The following RUNDC3B variants were observed in gnomAD, a reference collection of about 807,000 sequenced individuals.
RUNDC3B encodes the protein RUN domain containing 3B.
A neutral mutation model predicts 58.4 loss-of-function variants in RUNDC3B; 33 were observed. That is an observed-to-expected ratio of 0.56 (90% CI 0.43 to 0.75). RUNDC3B has a LOEUF of 0.75. Among genes scored for constraint, RUNDC3B ranks in the 30% least tolerant of loss-of-function variants. The probability of loss-of-function intolerance (pLI) is 0.00; values close to 1 mark genes in which losing one functional copy is unlikely to be tolerated. For missense variants in RUNDC3B, 501 were observed against 535.7 expected (o/e 0.94, Z 0.64); for synonymous variants, 193 against 195.2 (o/e 0.99, Z 0.10).
In RUNDC3B at chr7:87,687,183, A is replaced by G. The variant is rs1585102762; in HGVS notation, c.239-13238A>G. 2.6e-5 allele frequency among the ~76,000 whole-genome samples: 4 copies of G among 152,210 alleles called. No homozygotes were observed. In the South Asian group the frequency reaches 8.3e-4, roughly 32 times the overall value. On this transcript the variant is annotated intron_variant, in intron 2 of 10. Transcript: ENST00000394654. ...TTTTCAGTTATATTTGTGTACAGCT[A>G]GTTTTTCCCCCACAACTTACTGTTC...
chr7:87,756,513 A>G (rs1002770858), intron 6 of RUNDC3B, among the ~76,000 whole-genome samples: 1 of 152,118 alleles, frequency 6.6e-6, no homozygotes, highest in African/African-American at 2.4e-5. Context: ...AAATTCATTT[A>G]GATTATTATA....
chr7:87,757,340 G>T (rs1275501497), intron 6 of RUNDC3B, among the ~76,000 whole-genome samples: 1 of 151,992 alleles, frequency 6.6e-6, no homozygotes, highest in Non-Finnish European at 1.5e-5. Flanking sequence ...CAGTAAATTT[G>T]CAGGATACAA....
intron 5 of RUNDC3B, among the ~76,000 whole-genome samples, chr7:87,740,161 G>A (rs1040313139): frequency 5.9e-5 from 9 of 151,942 alleles, no homozygotes; most frequent in Non-Finnish European, 1.0e-4. Context: ...CCCTAATGAA[G>A]GAAGGCTTTG....
At chr7:87,817,473 T>G (rs570431388) in intron 10 of RUNDC3B, among the ~76,000 whole-genome samples, 1 of 152,312 alleles carries the variant, frequency 6.6e-6, no homozygotes, top group Admixed American at 6.5e-5. Flanking sequence ...TGCCAGCATC[T>G]GCCTCATTTC....
chr7:87,763,663 A>G (rs1387521132), intron 6 of RUNDC3B, among the ~76,000 whole-genome samples: 2 of 151,506 alleles, frequency 1.3e-5, no homozygotes, highest in Non-Finnish European at 3.0e-5. Context: ...ATTTATTTTT[A>G]TTGTGAAATA....
intron 2 of RUNDC3B, among the ~76,000 whole-genome samples, chr7:87,666,204 CATT>C (rs1376722067): frequency 6.6e-6 from 1 of 152,136 alleles, no homozygotes; most frequent in African/African-American, 2.4e-5. Flanking sequence ...GATGGTATCT[CATT>C]GTGGTTTTGA....
chr7:87,729,435 A>T (rs1831448042), intron 4 of RUNDC3B, among the ~76,000 whole-genome samples: 1 of 152,176 alleles, frequency 6.6e-6, no homozygotes, highest in African/African-American at 2.4e-5. Flanking sequence ...GAGGCAGCAA[A>T]CAGTAATTGT....
chr7:87,630,064 T>C (rs936945236), intron 1 of RUNDC3B, among the ~76,000 whole-genome samples: 1 of 152,226 alleles, frequency 6.6e-6, no homozygotes, highest in African/African-American at 2.4e-5. Flanking sequence ...TAGGAACTTC[T>C]CTGAGCCATT....
At chr7:87,650,476 A>T (rs145394922) in intron 1 of RUNDC3B, among the ~76,000 whole-genome samples, 2 of 152,084 alleles carry the variant, frequency 1.3e-5, no homozygotes, top group Non-Finnish European at 2.9e-5. Flanking sequence ...GGCCTCTTTT[A>T]TAAGAGTACT....
At chr7:87,675,185 C>T (rs907840731) in intron 2 of RUNDC3B, among the ~76,000 whole-genome samples, 11 of 152,194 alleles carry the variant, frequency 7.2e-5, no homozygotes, top group South Asian at 2.1e-4. Flanking sequence ...GCTGGGTTCC[C>T]GGCTTCCTCC....
At chr7:87,683,961 T>C (rs1827192696) in intron 2 of RUNDC3B, among the ~76,000 whole-genome samples, 1 of 152,164 alleles carries the variant, frequency 6.6e-6, no homozygotes, top group African/African-American at 2.4e-5. Flanking sequence ...TATTGACAGA[T>C]CAAACTGGAA....
chr7:87,686,152 AT>A (rs1554465510), intron 2 of RUNDC3B, among the ~76,000 whole-genome samples: 2 of 151,674 alleles, frequency 1.3e-5, no homozygotes, highest in African/African-American at 2.4e-5. Flanking sequence ...TCCACCCACA[AT>A]TTTTTTTCTT....
chr7:87,703,914 G>GTTTTTTTTTTT (rs35797972), intron 3 of RUNDC3B, among the ~76,000 whole-genome samples: 133 of 42,972 alleles, frequency 3.1e-3, no homozygotes, highest in East Asian at 3.3e-3. Flanking sequence ...TTTTTTTTTG[G>GTTTTTTTTTTT]TTTTTTTTTT....
At chr7:87,671,521 C>T (rs1252113953) in intron 2 of RUNDC3B, among the ~76,000 whole-genome samples, 5 of 152,198 alleles carry the variant, frequency 3.3e-5, no homozygotes, top group East Asian at 3.9e-4. Context: ...CTGGTTGCCT[C>T]GGATTTTCTA....
chr7:87,699,775 C>T (rs1389096253), intron 2 of RUNDC3B, among the ~76,000 whole-genome samples: 1 of 152,078 alleles, frequency 6.6e-6, no homozygotes, highest in African/African-American at 2.4e-5. Flanking sequence ...ACATAGTTAG[C>T]CAAATCTGAA....
chr7:87,628,831 C>G lies in RUNDC3B; in HGVS notation c.8C>G (p.Ser3Cys). Residue 3 changes from serine to cysteine, a missense_variant, in exon 1 of 11, where the codon TCC becomes TGC. Transcript: ENST00000394654. ...CACGGGGGTAAGCCCGCCATGGCCT[C>G]CCGGAGCCTGGGGGGCCTGAGCGGG... MA[S>C]RSLGGLSGIR... 8.0e-7 allele frequency: 1 copy of G among 1,256,378 alleles called. No homozygotes were observed. The highest frequency in any genetic ancestry group is 1.0e-6 in the Non-Finnish European group (1 of 992,006). The allele number at this position is 1,256,378 out of a possible 1,614,324, so 77.8% of individuals were successfully genotyped here. A position where few individuals can be genotyped will look rare whatever the true frequency, so the allele number is the denominator to read the frequency against.
At chr7:87,775,623 C>T (rs961658533) in intron 7 of RUNDC3B, among the ~76,000 whole-genome samples, 15 of 152,276 alleles carry the variant, frequency 9.9e-5, no homozygotes, top group African/African-American at 3.6e-4. Flanking sequence ...GAGCAATTTC[C>T]AGTCCTGCAA....
At chr7:87,650,340 G>A (rs534048674) in intron 1 of RUNDC3B, among the ~76,000 whole-genome samples, 2 of 152,140 alleles carry the variant, frequency 1.3e-5, no homozygotes, top group Admixed American at 1.3e-4. Context: ...ATTGCTCACA[G>A]TTCTGCAGGC....
At chr7:87,725,999 T>C (rs1472849785) in intron 4 of RUNDC3B, among the ~76,000 whole-genome samples, 4 of 152,354 alleles carry the variant, frequency 2.6e-5, no homozygotes, top group Admixed American at 6.5e-5. Context: ...TAGCCCTTTG[T>C]CAGATGAGTA....
Sources: allele counts gnomAD v4.1 joint callset (sites outside exome capture counted in the v4.1 genomes callset), GRCh38; gene constraint gnomAD v4.1.1; transcripts MANE v1.5; gene names NCBI Gene and HGNC (gene_info 2026-07-23, HGNC 2026-07-21).